Variants in EPHA2 observed in about 807,000 individuals in gnomAD.
EPHA2 encodes the protein ephrin type-A receptor 2.
A neutral mutation model predicts 104.9 loss-of-function variants in EPHA2; 54 were observed. The ratio of observed to expected loss-of-function variants is 0.51; its 90% CI spans 0.41 to 0.65. EPHA2 has a LOEUF of 0.65. Ranked by LOEUF, EPHA2 falls within the 30% of genes least tolerant of loss-of-function variation. EPHA2 has a pLI of 0.00. For missense variants in EPHA2, 1,117 were observed against 1,369.5 expected, an observed-to-expected ratio of 0.82 and a Z score of 2.91; for synonymous variants, 560 against 559.1, an observed-to-expected ratio of 1.00 and a Z score of -0.02.
At position 16,154,884 on chromosome 1, in the gene EPHA2, G is replaced by C. The variant is rs543396970; in HGVS notation, c.85+964C>G. Among the ~76,000 whole-genome samples the C allele has an allele frequency of 1.4e-3, 220 of 152,114 alleles. 1 individual carries two copies. The highest frequency in any genetic ancestry group is 0.014 in the Middle Eastern group (4 of 294). ...CAGGAGGGGAAGCCTTGCCCTCACT[G>C]TTGGAAATTGAAGCTGGCCTGGGCT... On this transcript the variant is annotated intron_variant, in intron 1 of 16. Coordinates refer to ENST00000358432, the MANE Select transcript of EPHA2 (RefSeq NM_004431.5).
At chr1:16,154,146 C>T (rs898974362) in intron 1 of EPHA2, among the ~76,000 whole-genome samples, 2 of 152,174 alleles carry the variant, frequency 1.3e-5, no homozygotes, top group South Asian at 2.1e-4. Flanking sequence ...TAATCCCCCA[C>T]CCCCCCATGG....
chr1:16,127,397 C>G (rs1489090093), intron 16 of EPHA2, among the ~76,000 whole-genome samples: 3 of 152,130 alleles, frequency 2.0e-5, no homozygotes, highest in Non-Finnish European at 4.4e-5. Context: ...GACCACTAGT[C>G]TAGCTAGAAA....
In EPHA2 at chr1:16,135,491, C is replaced by A; in HGVS notation, c.1428+164G>T. The A allele has an allele frequency of 1.3e-6, 1 of 768,782 alleles. No homozygotes were observed. 47.6% of individuals were successfully genotyped at this position (768,782 alleles called of 1,614,324 possible). On this transcript the variant is annotated intron_variant, in intron 6 of 16. Coordinates refer to ENST00000358432, the MANE Select transcript of EPHA2 (RefSeq NM_004431.5). The surrounding 1 kb of genome is among the most constrained non-coding windows in gnomAD (Gnocchi z 4.3). Reference sequence around the variant, plus strand: ...TTCTCTCGTACAAATCTCTGCTGTGCTGCCTTGGGAGATGTAACCCCCTGG... The same window carrying A: ...TTCTCTCGTACAAATCTCTGCTGTGATGCCTTGGGAGATGTAACCCCCTGG...
chr1:16,152,187 C>T (rs2025051814), intron 1 of EPHA2, among the ~76,000 whole-genome samples: 1 of 152,200 alleles, frequency 6.6e-6, no homozygotes, highest in Non-Finnish European at 1.5e-5. Context: ...GCCTCAGAAG[C>T]CCCATTCCTC....
rs764878169 is a variant in EPHA2 at position 16,125,356 on chromosome 1, C to T, written c.2826-36G>A. ...GGAGGGAGAGAGGGAGAGTTAGGGG[C>T]TGGAGCAGGGGAGGGGGCCGGGCTG... On this transcript the variant is annotated intron_variant, in intron 16 of 16. Coordinates refer to ENST00000358432, the MANE Select transcript of EPHA2 (RefSeq NM_004431.5). The surrounding 1 kb of genome is among the most constrained non-coding windows in gnomAD (Gnocchi z 4.9). 7.9e-6 allele frequency: 3 copies of T among 378,668 alleles called. No individual in the cohort carries two copies. The highest frequency in any genetic ancestry group is 6.1e-5 in the African/African-American group (2 of 32,628). The allele number at this position is 378,668 out of a possible 1,614,324, so 23.5% of individuals were successfully genotyped here.
chr1:16,133,451 C>G, intron 10 of EPHA2, 30 bp downstream of exon 10: 1 of 1,614,096 alleles, frequency 6.2e-7, no homozygotes, highest in Non-Finnish European at 8.5e-7. Context: ...GCTGCCTCCT[C>G]AGGGCCCCTT....
Position 16,130,258 on chromosome 1 carries a change from G to A in EPHA2, c.2637C>T (p.Asp879=), listed in dbSNP as rs770374257. The part of the protein sequence containing the change: ...SILDKLIRAP[D]SLKTLADFDP... ...CAAAGTCAGCCAGGGTCTTGAGGGA[G>A]TCAGGGGCACGAATGAGCTTGTCCA... The change falls in exon 15 of 17, where the codon GAC becomes GAT. Residue 879 remains aspartate (D), a synonymous_variant. Transcript: ENST00000358432. The surrounding 1 kb of genome is among the most constrained non-coding windows in gnomAD (Gnocchi z 4.5). 4 of 1,614,044 alleles carry A rather than the reference G, an allele frequency of 2.5e-6. No individual in the cohort carries two copies. The highest frequency in any genetic ancestry group is 8.5e-7 in the Non-Finnish European group (1 of 1,180,000).
chr1:16,138,004 CT>C lies in EPHA2; in HGVS notation c.1160del (p.Glu387GlyfsTer6), dbSNP rs2024748867. ...GPCEASVRYSEPPHGLTRTSV... is the reference protein window; with the variant it reads ...GPCEASVRYSXPPHGLTRTSV... ...TGGTGCGGGTCAGTCCGTGAGGAGG[CT>C]CCGAGTAGCGCACACTGGCCTCACA... On this transcript the variant is annotated frameshift_variant, in exon 5 of 17. Coordinates refer to ENST00000358432, the MANE Select transcript of EPHA2 (RefSeq NM_004431.5). LOFTEE classifies it high-confidence loss of function. The C allele has an allele frequency of 6.2e-7, 1 of 1,613,858 alleles. No homozygotes were observed. Among genetic ancestry groups the C allele is most frequent in the African/African-American group, 1.3e-5 (1 of 74,948 alleles).
chr1:16,129,328 A>C, intron 16 of EPHA2, 106 bp downstream of exon 16: 2 of 1,364,820 alleles, frequency 1.5e-6, no homozygotes, highest in East Asian at 4.7e-5. Flanking sequence ...AGAAAGAACA[A>C]AGAGAGGAGC....
At chr1:16,138,494 C>T in intron 3 of EPHA2, 64 bp from the exon 4 acceptor site, 2 of 1,608,860 alleles carry the variant, frequency 1.2e-6, no homozygotes, top group African/African-American at 1.3e-5. Context: ...CCCCACGTGA[C>T]TGTCTCATTC....
At position 16,150,030 on chromosome 1, in the gene EPHA2, T is replaced by C. The variant is rs539073017; in HGVS notation, c.153+866A>G. 8.9e-4 allele frequency among the ~76,000 whole-genome samples: 136 copies of C among 152,210 alleles called. 1 individual carries two copies. Among genetic ancestry groups the C allele is most frequent in the Non-Finnish European group, 1.7e-3 (114 of 67,982 alleles). On this transcript the variant is annotated intron_variant, in intron 2 of 16. Coordinates refer to ENST00000358432, the MANE Select transcript of EPHA2 (RefSeq NM_004431.5). The surrounding 1 kb of genome is among the most constrained non-coding windows in gnomAD (Gnocchi z 4.8). ...ACTCTGTATAAAGACTGGGTTGTAT[T>C]AGGTGACCCGTGTTCCCTCCCAGCT...
intron 1 of EPHA2, among the ~76,000 whole-genome samples, chr1:16,154,974 GACAAC>G (rs1317493256): frequency 2.0e-5 from 3 of 152,108 alleles, no homozygotes; most frequent in African/African-American, 7.2e-5. Flanking sequence ...CTAGCGGAGG[GACAAC>G]ACCCCCACCA....
rs541716439 is a variant in EPHA2 at position 16,131,161 on chromosome 1, C to T, written c.2475+560G>A. On this transcript the variant is annotated intron_variant, in intron 14 of 16. Transcript: ENST00000358432. The surrounding 1 kb of genome is among the most constrained non-coding windows in gnomAD (Gnocchi z 5.2). Reference sequence around the variant, plus strand: ...GCATGCATGCACATGTGCACACATACGGATGCACACACATGCATGGACACA... The same window carrying T: ...GCATGCATGCACATGTGCACACATATGGATGCACACACATGCATGGACACA... Among the ~76,000 whole-genome samples, 18 of 152,320 alleles carry T rather than the reference C, an allele frequency of 1.2e-4. No individual in the cohort carries two copies. In the East Asian group the frequency reaches 2.3e-3, roughly 20 times the overall value.
Position 16,130,374 on chromosome 1 carries a change from C to T in EPHA2, c.2521G>A (p.Asp841Asn), listed in dbSNP as rs1446072827. 8 of 1,572,374 alleles carry T rather than the reference C, an allele frequency of 5.1e-6. No individual in the cohort carries two copies. The South Asian group carries it at 8.2e-5, about 16-fold the overall frequency. ...NDGFRLPTPM[D>N]CPSAIYQLMM... ...AGCTGGTAGATGGCGGAGGGGCAGT[C>T]CATGGGTGTGGGGAGCCGGAAGCCA... The change falls in exon 15 of 17, where the codon GAC becomes AAC. Residue 841 changes from aspartate (D) to asparagine (N), a missense_variant. By Grantham distance (23) the Asp-to-Asn change is conservative. Coordinates refer to ENST00000358432, the MANE Select transcript of EPHA2 (RefSeq NM_004431.5). The surrounding 1 kb of genome is among the most constrained non-coding windows in gnomAD (Gnocchi z 4.5).
intron 3 of EPHA2, among the ~76,000 whole-genome samples, chr1:16,147,916 G>T (rs1191603670): frequency 2.7e-5 from 4 of 150,930 alleles, no homozygotes; most frequent in African/African-American, 9.8e-5. Flanking sequence ...TGTCACCCCA[G>T]GCTGGAGTAC....
chr1:16,136,713 A>AGAAGAAGAAGAAGAAGAAG (rs752397568), intron 5 of EPHA2, among the ~76,000 whole-genome samples: 2 of 102,734 alleles, frequency 1.9e-5, no homozygotes, highest in African/African-American at 5.5e-5. Context: ...AAGAAGAAGA[A>AGAAGAAGAAGAAGAAGAAG]AAGAAGAAGA....
intron 5 of EPHA2, among the ~76,000 whole-genome samples, chr1:16,137,141 G>A (rs1039579518): frequency 6.6e-6 from 1 of 152,038 alleles, no homozygotes; most frequent in Non-Finnish European, 1.5e-5. Context: ...GGAGAACATT[G>A]AGGCCCAGAG....
At chr1:16,133,700 G>T in intron 9 of EPHA2, 94 bp from the exon 10 acceptor site, 1 of 1,580,598 alleles carries the variant, frequency 6.3e-7, no homozygotes. Context: ...GATCTTCAGA[G>T]ACTTGGACCA....
rs1355032598 is a variant in EPHA2, at chr1:16,138,321, T to C, written c.933A>G (p.Glu311=). 3.1e-6 allele frequency: 5 copies of C among 1,613,716 alleles called. No homozygotes were observed. Among genetic ancestry groups the C allele is most frequent in the Non-Finnish European group, 3.4e-6 (4 of 1,179,918 alleles). Residue 311 remains glutamate, a synonymous_variant, in exon 4 of 17, where the codon GAA becomes GAG. Transcript: ENST00000358432. ...GGTCCTGAGGTGCCCGGAAGAAGCC[T>C]TCCTCACACTCGCAGGAGGTGGCAC... ...PEGATSCECE[E]GFFRAPQDPA...
Sources: gnomAD v4.1 joint callset for allele counts (sites outside exome capture counted in the v4.1 genomes callset) on GRCh38, gnomAD v4.1.1 for gene constraint, Gnocchi (gnomAD v3.1) non-coding constraint, MANE v1.5 for transcripts, NCBI Gene and HGNC (gene_info 2026-07-23, HGNC 2026-07-21) for gene names.